PRDM16: variants seen among roughly 807,000 people sequenced by gnomAD.
PRDM16 encodes the protein PR/SET domain 16.
In PRDM16, 23 loss-of-function variants were observed where a neutral mutation model predicts 110.6. That is an observed-to-expected ratio of 0.21 (90% CI 0.15 to 0.29). The LOEUF (loss-of-function observed/expected upper bound fraction) is 0.29. PRDM16 is among the 10% of genes least tolerant of loss of function. The pLI is 1.00. For missense variants in PRDM16, 1,615 were observed against 1,794.3 expected, an observed-to-expected ratio of 0.90 and a Z score of 1.81; for synonymous variants, 799 against 781.8, an observed-to-expected ratio of 1.02 and a Z score of -0.37.
At position 3,233,249 on chromosome 1, in the gene PRDM16, C is replaced by T. The variant is rs556558454; in HGVS notation, c.388-10838C>T. Among the ~76,000 whole-genome samples, 82 of 152,264 alleles carry T rather than the reference C, an allele frequency of 5.4e-4. 1 individual carries two copies. In the South Asian group the frequency reaches 0.011, roughly 20 times the overall value. ...CGGTGCCTAGCACCTCCTGTGTCGT[C>T]GGTGTGGAGGAGGGACCGTCAGCAT... On this transcript the variant is annotated intron_variant, in intron 2 of 16. Transcript: ENST00000270722.
At chr1:3,181,126 A>ACACGCGGTCTTACACACGCG (rs1557508040) in intron 1 of PRDM16, among the ~76,000 whole-genome samples, 1 of 127,824 alleles carries the variant, frequency 7.8e-6, no homozygotes, top group African/African-American at 2.9e-5. Context: ...TTACACACGC[A>ACACGCGGTCTTACACACGCG]GTCTTACACG....
chr1:3,388,182 G>A (rs1481531073), intron 4 of PRDM16, among the ~76,000 whole-genome samples: 1 of 152,192 alleles, frequency 6.6e-6, no homozygotes, highest in Admixed American at 6.5e-5. Flanking sequence ...TTTCCACCAT[G>A]CCAGGAGTTC....
chr1:3,323,089 C>T (rs928632730), intron 3 of PRDM16, among the ~76,000 whole-genome samples: 5 of 152,184 alleles, frequency 3.3e-5, no homozygotes, highest in Non-Finnish European at 7.3e-5. Flanking sequence ...TTGTGCCTGT[C>T]GCTAGTGTAC....
At chr1:3,135,890 G>A (rs987667567) in intron 1 of PRDM16, among the ~76,000 whole-genome samples, 8 of 152,190 alleles carry the variant, frequency 5.3e-5, no homozygotes, top group East Asian at 1.9e-4. Context: ...CCTTGTTGTC[G>A]CAGCCTACAG....
At position 3,274,605 on chromosome 1, in the gene PRDM16, G is replaced by C. The variant is rs146477722; in HGVS notation, c.438+30468G>C. Among the ~76,000 whole-genome samples, 3 of 152,330 alleles carry C rather than the reference G, an allele frequency of 2.0e-5. No individual in the cohort carries two copies. In the East Asian group the frequency reaches 5.8e-4, roughly 29 times the overall value. On this transcript the variant is annotated intron_variant, in intron 3 of 16. Transcript: ENST00000270722. ...CCTGACTTTTGATAGTCAAACAATA[G>C]CTAATTACAGTAGCACCTGCCTTCC...
At chr1:3,073,898 C>G (rs1557427178) in intron 1 of PRDM16, among the ~76,000 whole-genome samples, 1 of 152,170 alleles carries the variant, frequency 6.6e-6, no homozygotes, top group Non-Finnish European at 1.5e-5. Context: ...CGTCCCCAAC[C>G]GCCGACCCTC....
At chr1:3,256,863 AAT>A (rs1640061102) in intron 3 of PRDM16, among the ~76,000 whole-genome samples, 1 of 152,138 alleles carries the variant, frequency 6.6e-6, no homozygotes, top group Non-Finnish European at 1.5e-5. Flanking sequence ...TCTCAAAATA[AAT>A]AAATAAATAA....
intron 3 of PRDM16, among the ~76,000 whole-genome samples, chr1:3,269,529 T>G (rs1298091513): frequency 1.7e-5 from 2 of 115,368 alleles, no homozygotes; most frequent in Non-Finnish European, 3.4e-5. Flanking sequence ...AGGAGGACAG[T>G]CGGGGAGGAG....
Position 3,436,922 on chromosome 1 carries a change from AT to A in PRDM16, c.*3113del, listed in dbSNP as rs1422515040. Reference sequence around the variant, plus strand: ...GTCAACCCCCATCCCCCAAATGGAAATTCCGAAGGAGGCCTCCTCGCACCTG... The same window carrying A: ...GTCAACCCCCATCCCCCAAATGGAAATCCGAAGGAGGCCTCCTCGCACCTG... On this transcript the variant is annotated 3_prime_UTR_variant, in exon 17 of 17. Transcript: ENST00000270722. 4.4e-6 allele frequency: 1 copy of A among 229,764 alleles called. No individual in the cohort carries two copies. The highest frequency in any genetic ancestry group is 8.6e-6 in the Non-Finnish European group (1 of 116,520). The allele number at this position is 229,764 out of a possible 1,614,324, so 14.2% of individuals were successfully genotyped here.
At chr1:3,195,012 C>T (rs768612430) in intron 2 of PRDM16, among the ~76,000 whole-genome samples, 5 of 152,236 alleles carry the variant, frequency 3.3e-5, no homozygotes, top group Non-Finnish European at 7.3e-5. Context: ...CTATGGAGGC[C>T]TCACGTCTAA....
At chr1:3,145,361 C>A (rs1421516273) in intron 1 of PRDM16, among the ~76,000 whole-genome samples, 2 of 152,212 alleles carry the variant, frequency 1.3e-5, no homozygotes, top group African/African-American at 4.8e-5. Context: ...GGCCCTGAGC[C>A]CACTGGCCAG....
chr1:3,237,755 C>T (rs1639570720), intron 2 of PRDM16, among the ~76,000 whole-genome samples: 1 of 152,256 alleles, frequency 6.6e-6, no homozygotes, highest in African/African-American at 2.4e-5. Flanking sequence ...TGCCAGCGAA[C>T]AGAGTGTTCT....
chr1:3,384,897 A>G (rs1411848295), intron 3 of PRDM16, among the ~76,000 whole-genome samples: 1 of 152,112 alleles, frequency 6.6e-6, no homozygotes, highest in African/African-American at 2.4e-5. Flanking sequence ...CAGGGCAGTG[A>G]TCTGCTCGGT....
At chr1:3,397,745 T>A (rs1213912998) in intron 5 of PRDM16, among the ~76,000 whole-genome samples, 6 of 152,196 alleles carry the variant, frequency 3.9e-5, no homozygotes, top group African/African-American at 1.4e-4. Flanking sequence ...CAAGGCTTAG[T>A]GATTAATGCC....
rs1364455052 is a variant in PRDM16, at chr1:3,265,728, G to C, written c.438+21591G>C. Among the ~76,000 whole-genome samples, 7 of 152,116 alleles carry C rather than the reference G, an allele frequency of 4.6e-5. No individual in the cohort carries two copies. Among genetic ancestry groups the C allele is most frequent in the Non-Finnish European group, 1.0e-4 (7 of 68,006 alleles). On this transcript the variant is annotated intron_variant, in intron 3 of 16. Coordinates refer to ENST00000270722, the MANE Select transcript of PRDM16 (RefSeq NM_022114.4). This position sits in a 1 kb window ranked among gnomAD's most constrained non-coding sequence, Gnocchi z 4.5. Reference sequence around the variant, plus strand: ...GATGGGAGCTGACTGTGGTTAATCAGGAGGTCACAGTTAGCCCCAGCCAGA... The same window carrying C: ...GATGGGAGCTGACTGTGGTTAATCACGAGGTCACAGTTAGCCCCAGCCAGA...
intron 3 of PRDM16, among the ~76,000 whole-genome samples, chr1:3,348,911 A>C (rs1029679201): frequency 3.9e-5 from 6 of 152,072 alleles, no homozygotes; most frequent in African/African-American, 1.4e-4. Context: ...CGTGGTGGGG[A>C]GAGGCACCTG....
At chr1:3,351,814 G>T (rs1257279577) in intron 3 of PRDM16, among the ~76,000 whole-genome samples, 2 of 130,744 alleles carry the variant, frequency 1.5e-5, no homozygotes, top group Non-Finnish European at 3.2e-5. Flanking sequence ...CCCTCCTCTT[G>T]CAGTCTCCAG....
At chr1:3,275,582 C>T (rs559276923) in intron 3 of PRDM16, among the ~76,000 whole-genome samples, 2 of 152,296 alleles carry the variant, frequency 1.3e-5, no homozygotes, top group African/African-American at 2.4e-5. Flanking sequence ...GGCAGCACTC[C>T]TCGGTGGGGG....
intron 1 of PRDM16, among the ~76,000 whole-genome samples, chr1:3,086,235 C>T (rs1278442488): frequency 6.6e-6 from 1 of 152,128 alleles, no homozygotes; most frequent in Non-Finnish European, 1.5e-5. Context: ...CCATAAGGTG[C>T]TTGCCTGGCT....
Sources: gnomAD v4.1 joint callset for allele counts (sites outside exome capture counted in the v4.1 genomes callset) on GRCh38, gnomAD v4.1.1 for gene constraint, Gnocchi (gnomAD v3.1) non-coding constraint, MANE v1.5 for transcripts, NCBI Gene and HGNC (gene_info 2026-07-23, HGNC 2026-07-21) for gene names.